The following HPSE2 variants were observed in gnomAD, a reference collection of about 807,000 sequenced individuals.
HPSE2 encodes inactive heparanase-2.
In HPSE2, 38 loss-of-function variants were observed where a neutral mutation model predicts 60.5. The observed-to-expected ratio is 0.63, with a 90% CI of 0.48 to 0.82. HPSE2 has a LOEUF of 0.82. Ranked by LOEUF, HPSE2 falls within the 40% of genes least tolerant of loss-of-function variation. The pLI is 0.00. For synonymous variants in HPSE2, 295 were observed against 293.2 expected, an observed-to-expected ratio of 1.01 and a Z score of -0.06; for missense variants, 713 against 740.4, an observed-to-expected ratio of 0.96 and a Z score of 0.43.
intron 3 of HPSE2, among the ~76,000 whole-genome samples, chr10:98,834,000 A>T (rs1951737845): frequency 6.6e-6 from 1 of 152,118 alleles, no homozygotes; most frequent in Non-Finnish European, 1.5e-5. Flanking sequence ...TTTTAAAGGT[A>T]CCAAATACCT....
At chr10:98,885,117 A>C (rs2134900062) in intron 3 of HPSE2, among the ~76,000 whole-genome samples, 1 of 152,272 alleles carries the variant, frequency 6.6e-6, no homozygotes, top group Middle Eastern at 3.4e-3. Context: ...GAAGAAATTG[A>C]TTCCAACCCT....
chr10:99,194,279 T>C lies in HPSE2; in HGVS notation c.448+38069A>G, dbSNP rs551661395. On this transcript the variant is annotated intron_variant, in intron 2 of 11. Coordinates refer to ENST00000370552, the MANE Select transcript of HPSE2 (RefSeq NM_021828.5). ...CTATAGGACACAGCAAAAACAGTAC[T>C]AAGAAGAAAGTCTGTAGCAATAAAT... Among the ~76,000 whole-genome samples the C allele has an allele frequency of 2.0e-5, 3 of 151,696 alleles. No individual in the cohort carries two copies. The East Asian group carries it at 5.8e-4, about 29-fold the overall frequency.
intron 3 of HPSE2, among the ~76,000 whole-genome samples, chr10:98,904,872 G>T (rs1953765392): frequency 6.6e-6 from 1 of 152,144 alleles, no homozygotes; most frequent in South Asian, 2.1e-4. Flanking sequence ...AATATAATCT[G>T]AAATGACATA....
intron 3 of HPSE2, among the ~76,000 whole-genome samples, chr10:98,974,239 A>T (rs779824644): frequency 6.6e-6 from 1 of 152,114 alleles, no homozygotes; most frequent in Admixed American, 6.6e-5. Context: ...CAATGAGCTG[A>T]GATCGTACCA....
At chr10:98,877,150 G>A (rs978816453) in intron 3 of HPSE2, among the ~76,000 whole-genome samples, 2 of 151,754 alleles carry the variant, frequency 1.3e-5, no homozygotes, top group Non-Finnish European at 2.9e-5. Context: ...ATTATAAAAC[G>A]AAATTTATTT....
intron 9 of HPSE2, among the ~76,000 whole-genome samples, chr10:98,560,822 C>T (rs1199732584): frequency 7.2e-5 from 11 of 151,816 alleles, no homozygotes; most frequent in Admixed American, 4.6e-4. Context: ...ACATTACTCA[C>T]GTGTTTGTGG....
intron 7 of HPSE2, among the ~76,000 whole-genome samples, chr10:98,633,259 C>T (rs1043875298): frequency 5.9e-5 from 9 of 152,062 alleles, no homozygotes; most frequent in African/African-American, 2.2e-4. Flanking sequence ...AGTGCAGTGG[C>T]AGGATCCCAG....
Position 98,744,560 on chromosome 10 carries a change from C to CAA in HPSE2, c.611-506_611-505dup, listed in dbSNP as rs369385631. Among the ~76,000 whole-genome samples, 903 of 150,168 alleles carry CAA rather than the reference C, an allele frequency of 6.0e-3. 6 individuals are homozygous for CAA. Among genetic ancestry groups the CAA allele is most frequent in the African/African-American group, 0.021 (853 of 40,910 alleles). On this transcript the variant is annotated intron_variant, in intron 3 of 11. Transcript: ENST00000370552. ...AAACAAAACAAAAAAACAAAACAAA[C>CAA]AAAAAAAAACAAGCAGCAGAGAGAA... is the stretch of plus-strand genomic sequence containing the variant.
At chr10:99,070,765 T>C (rs946641244) in intron 3 of HPSE2, among the ~76,000 whole-genome samples, 5 of 152,236 alleles carry the variant, frequency 3.3e-5, no homozygotes, top group African/African-American at 9.6e-5. Flanking sequence ...AGTATTCGTC[T>C]TTCTGTGACT....
chr10:98,575,590 C>T (rs1194940057), intron 9 of HPSE2, among the ~76,000 whole-genome samples: 1 of 152,194 alleles, frequency 6.6e-6, no homozygotes, highest in Non-Finnish European at 1.5e-5. Context: ...ATCCTCACAA[C>T]AGCCTTATAA....
intron 3 of HPSE2, among the ~76,000 whole-genome samples, chr10:98,963,477 A>T (rs1955735033): frequency 6.6e-6 from 1 of 152,132 alleles, no homozygotes; most frequent in Non-Finnish European, 1.5e-5. Context: ...CTGAGTCTCA[A>T]CATGCTTGTT....
At chr10:99,113,928 T>G (rs778803285) in intron 3 of HPSE2, among the ~76,000 whole-genome samples, 2 of 152,216 alleles carry the variant, frequency 1.3e-5, no homozygotes, top group Non-Finnish European at 2.9e-5. Context: ...ACCATTAGCT[T>G]TGCAATTTTC....
intron 9 of HPSE2, among the ~76,000 whole-genome samples, chr10:98,553,823 T>A (rs186028013): frequency 6.6e-6 from 1 of 152,296 alleles, no homozygotes; most frequent in East Asian, 1.9e-4. Context: ...GCTCTTCCTG[T>A]GCTGTTTTGG....
chr10:99,084,426 G>A (rs1564793966), intron 3 of HPSE2, among the ~76,000 whole-genome samples: 1 of 152,080 alleles, frequency 6.6e-6, no homozygotes. Context: ...CAAATCACAA[G>A]GTGCACATTT....
intron 3 of HPSE2, among the ~76,000 whole-genome samples, chr10:99,103,854 G>C (rs894935122): frequency 6.6e-6 from 1 of 152,154 alleles, no homozygotes; most frequent in African/African-American, 2.4e-5. Flanking sequence ...TCTGATCATT[G>C]ACAAACCTGA....
chr10:99,044,147 C>G (rs1189808024), intron 3 of HPSE2, among the ~76,000 whole-genome samples: 3 of 152,190 alleles, frequency 2.0e-5, no homozygotes, highest in Non-Finnish European at 4.4e-5. Flanking sequence ...ATCAGGCTAA[C>G]AGGAGACTTC....
At chr10:99,021,397 T>A (rs1957259210) in intron 3 of HPSE2, among the ~76,000 whole-genome samples, 1 of 152,166 alleles carries the variant, frequency 6.6e-6, no homozygotes, top group Non-Finnish European at 1.5e-5. Context: ...CATCCAAGGT[T>A]ACTCATCTTA....
At chr10:99,134,117 G>T (rs373386791) in intron 3 of HPSE2, among the ~76,000 whole-genome samples, 3 of 151,866 alleles carry the variant, frequency 2.0e-5, no homozygotes, top group African/African-American at 7.3e-5. Flanking sequence ...CGAAAGAAAG[G>T]GTATCAGTAA....
At chr10:99,257,073 A>G in the HPSE2 span, among the ~76,000 whole-genome samples, 3 of 152,238 alleles carry the variant, frequency 2.0e-5, no homozygotes, top group Non-Finnish European at 4.4e-5. Context: ...TCACTTCCCC[A>G]ATCAATACCC....
Sources: allele counts gnomAD v4.1 joint callset (sites outside exome capture counted in the v4.1 genomes callset), GRCh38; gene constraint gnomAD v4.1.1; transcripts MANE v1.5; gene names NCBI Gene and HGNC (gene_info 2026-07-23, HGNC 2026-07-21).